IFNAR1: variants seen among roughly 807,000 people sequenced by gnomAD.
IFNAR1 encodes interferon alpha and beta receptor subunit 1.
A neutral mutation model predicts 62.1 loss-of-function variants in IFNAR1; 47 were observed. That is an observed-to-expected ratio of 0.76 (90% confidence interval 0.60 to 0.97). The LOEUF is 0.97. IFNAR1 is among the 50% of genes least tolerant of loss of function. IFNAR1 has a pLI of 0.00. For missense variants in IFNAR1, 638 were observed against 654.5 expected (o/e 0.97, Z 0.27); for synonymous variants, 219 against 226.9 (o/e 0.97, Z 0.31).
intron 1 of IFNAR1, among the ~76,000 whole-genome samples, chr21:33,327,051 A>C (rs1358173420): frequency 1.3e-5 from 2 of 152,158 alleles, no homozygotes; most frequent in African/African-American, 4.8e-5. Context: ...AGGAAACCAT[A>C]TACCTGTGTG....
intron 6 of IFNAR1, 56 bp from the exon 7 acceptor site, chr21:33,349,035 C>A: frequency 1.8e-6 from 2 of 1,084,046 alleles, no homozygotes; most frequent in Non-Finnish European, 2.7e-6. Context: ...TAGTGTCTGG[C>A]AATTGTAAAT....
At chr21:33,330,180 C>T (rs1474229180) in intron 1 of IFNAR1, among the ~76,000 whole-genome samples, 1 of 152,212 alleles carries the variant, frequency 6.6e-6, no homozygotes, top group Non-Finnish European at 1.5e-5. Context: ...AAAAGAAACA[C>T]ACCATCCAGA....
Position 33,358,519 on chromosome 21 carries a change from C to G in IFNAR1, c.*2970C>G, listed in dbSNP as rs2083470461. 1 of 151,888 alleles carries G rather than the reference C, an allele frequency of 6.6e-6. No homozygotes were observed. Among genetic ancestry groups the G allele is most frequent in the Non-Finnish European group, 1.5e-5 (1 of 67,992 alleles). 9.4% of individuals were successfully genotyped at this position (151,888 alleles called of 1,614,324 possible). A position where few individuals can be genotyped will look rare whatever the true frequency, so the allele number is the denominator to read the frequency against. On this transcript the variant is annotated 3_prime_UTR_variant, in exon 11 of 11. Transcript: ENST00000270139. ...TACCTGTGTCACTTCTGACATGAGCCTGTAAACATATATTCATATATGTAC... is the reference window on the plus strand; with the variant it reads ...TACCTGTGTCACTTCTGACATGAGCGTGTAAACATATATTCATATATGTAC...
intron 1 of IFNAR1, among the ~76,000 whole-genome samples, chr21:33,333,216 A>C (rs1165995842): frequency 6.6e-6 from 1 of 152,252 alleles, no homozygotes; most frequent in Non-Finnish European, 1.5e-5. Context: ...CAAACAGCCA[A>C]GAATGCTATG....
chr21:33,355,373 G>A lies in IFNAR1; in HGVS notation c.1498G>A (p.Glu500Lys), dbSNP rs753795245. ...GCTTTCAACTTCTGAGGAACAAATC[G>A]AAAAATGTTTCATAATTGAAAATAT... Reference protein sequence around the residue: ...LLLSTSEEQIEKCFIIENIST... With the variant: ...LLLSTSEEQIKKCFIIENIST... Residue 500 changes from glutamate to lysine, a missense_variant, in exon 11 of 11, where the codon GAA becomes AAA. By Grantham distance (56) the Glu-to-Lys change is moderately conservative (BLOSUM62 1). Transcript: ENST00000270139. The A allele has an allele frequency of 3.7e-6, 6 of 1,602,852 alleles. No homozygotes were observed. The highest frequency in any genetic ancestry group is 2.2e-5 in the East Asian group (1 of 44,472).
At chr21:33,328,334 CT>C (rs980456585) in intron 1 of IFNAR1, among the ~76,000 whole-genome samples, 1 of 152,242 alleles carries the variant, frequency 6.6e-6, no homozygotes, top group Admixed American at 6.5e-5. Flanking sequence ...TGGTGGTTAG[CT>C]TTTTCTGAAT....
intron 8 of IFNAR1, among the ~76,000 whole-genome samples, chr21:33,349,881 G>A (rs918744638): frequency 6.6e-6 from 1 of 151,716 alleles, no homozygotes; most frequent in African/African-American, 2.4e-5. Flanking sequence ...TCGTGCCACT[G>A]CACTCCAGCC....
In IFNAR1 at chr21:33,349,565, A is replaced by C. The variant is rs757107786; in HGVS notation, c.1143+22A>C. The C allele has an allele frequency of 2.0e-5, 30 of 1,495,160 alleles. No homozygotes were observed. In the South Asian group the frequency reaches 3.3e-4, roughly 16 times the overall value. The allele number at this position is 1,495,160 out of a possible 1,614,324, so 92.6% of individuals were successfully genotyped here. ...TGAGGTAAAAAGACTGTATAGTATAATTTTGTAACTTAGAGTTATAATTAT... is the reference window on the plus strand; with the variant it reads ...TGAGGTAAAAAGACTGTATAGTATACTTTTGTAACTTAGAGTTATAATTAT... On this transcript the variant is annotated intron_variant, in intron 8 of 10. Coordinates refer to ENST00000270139, the MANE Select transcript of IFNAR1 (RefSeq NM_000629.3).
Position 33,353,768 on chromosome 21 carries a change from T to G in IFNAR1, c.1425T>G (p.Ser475=). Residue 475 remains serine, a synonymous_variant, in exon 10 of 11, where the codon TCT becomes TCG. Transcript: ENST00000270139. ...TCTTCTTTCCATCACTTAAACCTTC[T>G]TCCAGTATAGATGAGGTATGTTACT... The part of the protein sequence containing the change: ...NYVFFPSLKP[S]SSIDEYFSEQ... 4 of 1,579,128 alleles carry G rather than the reference T, an allele frequency of 2.5e-6. No homozygotes were observed. The highest frequency in any genetic ancestry group is 2.6e-6 in the Non-Finnish European group (3 of 1,166,558).
At chr21:33,344,988 A>G (rs1029837222) in intron 5 of IFNAR1, among the ~76,000 whole-genome samples, 6 of 151,952 alleles carry the variant, frequency 3.9e-5, no homozygotes, top group African/African-American at 1.2e-4. Context: ...GGGTTTCACC[A>G]TGTTGGCCAG....
In IFNAR1 at chr21:33,345,284, A is replaced by G; in HGVS notation, c.712A>G (p.Ser238Gly). 6.2e-7 allele frequency: 1 copy of G among 1,603,508 alleles called. No individual in the cohort carries two copies. The highest frequency in any genetic ancestry group is 8.5e-7 in the Non-Finnish European group (1 of 1,171,222). The change falls in exon 6 of 11, where the codon AGT becomes GGT. Residue 238 changes from serine to glycine, a missense_variant. By Grantham distance (56) the Ser-to-Gly change is moderately conservative. Transcript: ENST00000270139. ...ACCTCCACCAGAAAATATAGAAGTC[A>G]GTGTCCAAAATCAGAACTATGTTCT... Reference protein sequence around the residue: ...ELPPPENIEVSVQNQNYVLKW... With the variant: ...ELPPPENIEVGVQNQNYVLKW...
intron 3 of IFNAR1, 77 bp downstream of exon 3, chr21:33,341,251 T>C (rs1346157587): frequency 1.8e-6 from 2 of 1,121,262 alleles, no homozygotes; most frequent in African/African-American, 3.1e-5. Flanking sequence ...GCCATTCATT[T>C]GCATGATGCA....
chr21:33,342,654 C>T (rs1224369460), intron 3 of IFNAR1, among the ~76,000 whole-genome samples: 3 of 142,760 alleles, frequency 2.1e-5, no homozygotes, highest in East Asian at 4.1e-4. Flanking sequence ...ACCATCCTGG[C>T]TAACACGGTG....
intron 6 of IFNAR1, among the ~76,000 whole-genome samples, chr21:33,346,432 G>A (rs562214384): frequency 6.6e-6 from 1 of 152,280 alleles, no homozygotes; most frequent in African/African-American, 2.4e-5. Context: ...GAATGCAAAT[G>A]CATTTATGTG....
chr21:33,334,810 T>A, intron 1 of IFNAR1: 1 of 867,086 alleles, frequency 1.2e-6, no homozygotes, highest in South Asian at 1.3e-5. Flanking sequence ...ATCCTACCAC[T>A]CAATTCATGA....
intron 3 of IFNAR1, among the ~76,000 whole-genome samples, chr21:33,342,479 C>T (rs897312648): frequency 4.6e-5 from 7 of 152,100 alleles, no homozygotes; most frequent in Non-Finnish European, 7.4e-5. Flanking sequence ...ATGATCTGTA[C>T]TCCCTTTCTA....
chr21:33,341,288 A>G, intron 3 of IFNAR1, 114 bp downstream of exon 3: 1 of 753,442 alleles, frequency 1.3e-6, no homozygotes, highest in Non-Finnish European at 2.1e-6. Flanking sequence ...AAAAAGAACA[A>G]AAATTCCCTT....
intron 1 of IFNAR1, chr21:33,335,227 T>G (rs747233496): frequency 6.7e-6 from 3 of 446,756 alleles, no homozygotes; most frequent in Non-Finnish European, 1.2e-5. Context: ...TCGGTGTCAC[T>G]TCTAAGACCA....
chr21:33,324,901 G>GTGTGTGTGTGTGTGTGTGTC, upstream of IFNAR1: 1 of 647,474 alleles, frequency 1.5e-6, no homozygotes, highest in Non-Finnish European at 2.7e-6. Flanking sequence ...CGGTGTGTGT[G>GTGTGTGTGTGTGTGTGTGTC]TCAGAAGAGG....
Sources: allele counts gnomAD v4.1 joint callset (sites outside exome capture counted in the v4.1 genomes callset), GRCh38; gene constraint gnomAD v4.1.1; transcripts MANE v1.5; gene names NCBI Gene and HGNC (gene_info 2026-07-23, HGNC 2026-07-21).